The following CDC14B variants were observed in gnomAD, a reference collection of about 807,000 sequenced individuals.
CDC14B encodes the protein cell division cycle 14B.
In CDC14B, 22 loss-of-function variants were observed where a neutral mutation model predicts 64.2. That is an observed-to-expected ratio of 0.34 (90% CI 0.24 to 0.49). The LOEUF (loss-of-function observed/expected upper bound fraction) is 0.49. CDC14B is among the 20% of genes least tolerant of loss of function. CDC14B has a pLI of 0.99. For missense variants in CDC14B, 498 were observed against 629.9 expected (o/e 0.79, Z 2.24); for synonymous variants, 191 against 215.8 (o/e 0.89, Z 1.01).
At chr9:96,544,338 T>C (rs931381544) in intron 5 of CDC14B, among the ~76,000 whole-genome samples, 9 of 152,118 alleles carry the variant, frequency 5.9e-5, no homozygotes, top group Admixed American at 2.6e-4. Flanking sequence ...TAAACCACAT[T>C]TTAAACTTTT....
At position 96,502,871 on chromosome 9, in the gene CDC14B, GC is replaced by G; in HGVS notation, c.*881del. The G allele has an allele frequency of 2.5e-6, 1 of 397,106 alleles. No homozygotes were observed. The highest frequency in any genetic ancestry group is 4.4e-5 in the Admixed American group (1 of 22,622). The allele number at this position is 397,106 out of a possible 1,614,324, so 24.6% of individuals were successfully genotyped here. On this transcript the variant is annotated 3_prime_UTR_variant, in exon 14 of 14. Transcript: ENST00000375241. ...AAGTGGTAACTTTTTTTTTTTGTAA[GC>G]CGACATTATTTGGGATTGCTGTTTC... is the stretch of plus-strand genomic sequence containing the variant.
chr9:96,513,703 T>G (rs924514112), intron 12 of CDC14B, among the ~76,000 whole-genome samples: 1 of 152,230 alleles, frequency 6.6e-6, no homozygotes, highest in Non-Finnish European at 1.5e-5. Context: ...CTATGCACTA[T>G]GTATACTGGC....
intron 1 of CDC14B, among the ~76,000 whole-genome samples, chr9:96,571,395 C>G (rs1214987714): frequency 6.6e-6 from 1 of 152,058 alleles, no homozygotes; most frequent in Non-Finnish European, 1.5e-5. Flanking sequence ...AGGATGGTCT[C>G]AATCTCCTGA....
chr9:96,584,330 C>G (rs1295506086), intron 1 of CDC14B, among the ~76,000 whole-genome samples: 1 of 152,096 alleles, frequency 6.6e-6, no homozygotes, highest in Non-Finnish European at 1.5e-5. Flanking sequence ...TCAAAAAGTC[C>G]TAAGGGGTGT....
chr9:96,569,923 G>A (rs1201831084), intron 1 of CDC14B, among the ~76,000 whole-genome samples: 2 of 152,186 alleles, frequency 1.3e-5, no homozygotes, highest in Admixed American at 1.3e-4. Flanking sequence ...CTTAAAGCTT[G>A]ACGATTAACT....
At chr9:96,545,327 TTC>T (rs1840643947) in intron 5 of CDC14B, among the ~76,000 whole-genome samples, 6 of 147,326 alleles carry the variant, frequency 4.1e-5, no homozygotes, top group Admixed American at 3.3e-4. Flanking sequence ...TATGATTATT[TTC>T]TTTTTTTTTT....
chr9:96,555,461 C>T (rs941241090), intron 4 of CDC14B, among the ~76,000 whole-genome samples: 1 of 152,212 alleles, frequency 6.6e-6, no homozygotes, highest in African/African-American at 2.4e-5. Flanking sequence ...CAGACCCAAC[C>T]AAGTTAAGCA....
chr9:96,555,691 A>G (rs1188683701), intron 4 of CDC14B, among the ~76,000 whole-genome samples: 1 of 152,232 alleles, frequency 6.6e-6, no homozygotes, highest in Non-Finnish European at 1.5e-5. Flanking sequence ...TTGTTTCTCT[A>G]GGATAAAGAC....
intron 1 of CDC14B, among the ~76,000 whole-genome samples, chr9:96,580,978 T>A (rs1412780672): frequency 6.6e-6 from 1 of 152,192 alleles, no homozygotes; most frequent in Non-Finnish European, 1.5e-5. Context: ...ATGCCTGTCA[T>A]CCCAGCACTT....
At chr9:96,548,320 A>G (rs1029494234) in intron 5 of CDC14B, among the ~76,000 whole-genome samples, 5 of 152,220 alleles carry the variant, frequency 3.3e-5, no homozygotes, top group African/African-American at 1.2e-4. Flanking sequence ...CTAAGAAGCA[A>G]AGAGTATTAT....
intron 12 of CDC14B, among the ~76,000 whole-genome samples, chr9:96,520,482 T>C (rs1365607116): frequency 6.6e-6 from 1 of 152,070 alleles, no homozygotes; most frequent in African/African-American, 2.4e-5. Context: ...CATAGCCTGG[T>C]CTACAGGTGC....
At chr9:96,594,012 A>G (rs766834240) in intron 1 of CDC14B, among the ~76,000 whole-genome samples, 1 of 152,240 alleles carries the variant, frequency 6.6e-6, no homozygotes, top group Non-Finnish European at 1.5e-5. Flanking sequence ...TAAGATTTCC[A>G]ATACTAGACA....
exon 14 of CDC14B, chr9:96,491,711 A>C (rs1469079480): frequency 6.6e-6 from 1 of 152,220 alleles, no homozygotes; most frequent in Non-Finnish European, 1.5e-5. Context: ...TGTTGTGAAT[A>C]ATACTTGAAA....
At chr9:96,494,630 C>T (rs188952145) in intron 13 of CDC14B, among the ~76,000 whole-genome samples, 9 of 152,342 alleles carry the variant, frequency 5.9e-5, no homozygotes, top group Non-Finnish European at 8.8e-5. Flanking sequence ...ACACCCCCCA[C>T]AGCTACGCCT....
chr9:96,611,760 C>A (rs1588080651), intron 1 of CDC14B, among the ~76,000 whole-genome samples: 1 of 152,076 alleles, frequency 6.6e-6, no homozygotes, highest in Non-Finnish European at 1.5e-5. Context: ...CAAAAAAAGA[C>A]CCTGTCTGCC....
At chr9:96,550,887 G>A (rs756786278) in intron 5 of CDC14B, among the ~76,000 whole-genome samples, 2 of 152,140 alleles carry the variant, frequency 1.3e-5, no homozygotes, top group Non-Finnish European at 2.9e-5. Context: ...CTGGAACACA[G>A]TGACTTGACT....
intron 1 of CDC14B, among the ~76,000 whole-genome samples, chr9:96,567,441 C>T (rs1844161198): frequency 6.6e-6 from 1 of 152,268 alleles, no homozygotes; most frequent in Non-Finnish European, 1.5e-5. Flanking sequence ...CAAGTGCCCC[C>T]GCAGGGCCGG....
intron 4 of CDC14B, among the ~76,000 whole-genome samples, chr9:96,555,051 C>G (rs964672987): frequency 5.9e-5 from 9 of 152,136 alleles, no homozygotes; most frequent in African/African-American, 2.2e-4. Context: ...TAGTTAAGAA[C>G]AGGAAACAAC....
intron 1 of CDC14B, among the ~76,000 whole-genome samples, chr9:96,589,359 T>C (rs1845652525): frequency 6.6e-6 from 1 of 151,686 alleles, no homozygotes; most frequent in Admixed American, 6.6e-5. Context: ...AAAATACACC[T>C]AGTAAGTATA....
Sources: gnomAD v4.1 joint callset for allele counts (sites outside exome capture counted in the v4.1 genomes callset) on GRCh38, gnomAD v4.1.1 for gene constraint, MANE v1.5 for transcripts, NCBI Gene and HGNC (gene_info 2026-07-23, HGNC 2026-07-21) for gene names.